Variants in PABPC4L observed in about 807,000 individuals in gnomAD.
The protein encoded by PABPC4L is poly(A) binding protein cytoplasmic 4 like, also known as polyadenylate-binding protein 4-like.
For missense variants in PABPC4L, 452 were observed against 451.4 expected (o/e 1.00, Z -0.01); for synonymous variants, 169 against 164.1 (o/e 1.03, Z -0.23).
chr4:134,179,093 G>A, the PABPC4L span, among the ~76,000 whole-genome samples: 1 of 151,958 alleles, frequency 6.6e-6, no homozygotes, highest in African/African-American at 2.4e-5. Flanking sequence ...AAGTCACATA[G>A]TCATTAGATT....
the PABPC4L span, among the ~76,000 whole-genome samples, chr4:134,134,051 T>G: frequency 6.6e-6 from 1 of 152,052 alleles, no homozygotes; most frequent in Non-Finnish European, 1.5e-5. Flanking sequence ...ACATACTCAT[T>G]GATAAATAAA....
the PABPC4L span, among the ~76,000 whole-genome samples, chr4:133,974,953 G>A: frequency 6.6e-6 from 1 of 152,100 alleles, no homozygotes; most frequent in Non-Finnish European, 1.5e-5. Flanking sequence ...CTCTGATAAA[G>A]TTAACATAGA....
chr4:134,111,990 G>T, the PABPC4L span, among the ~76,000 whole-genome samples: 1 of 151,796 alleles, frequency 6.6e-6, no homozygotes, highest in African/African-American at 2.4e-5. Flanking sequence ...ATGAAACAAG[G>T]AAGATTAAAA....
At chr4:134,142,805 G>C in the PABPC4L span, among the ~76,000 whole-genome samples, 1 of 151,514 alleles carries the variant, frequency 6.6e-6, no homozygotes. Flanking sequence ...GGAAGTTTTG[G>C]TGCAGACAGG....
chr4:134,062,640 A>G, the PABPC4L span, among the ~76,000 whole-genome samples: 1 of 152,080 alleles, frequency 6.6e-6, no homozygotes, highest in Admixed American at 6.6e-5. Context: ...ATTAATTAAA[A>G]CTTAGGCTTA....
the PABPC4L span, among the ~76,000 whole-genome samples, chr4:134,077,443 GA>G: frequency 2.8e-4 from 42 of 151,780 alleles, no homozygotes; most frequent in African/African-American, 6.3e-4. Context: ...CAGAAGAGGG[GA>G]AAAAAAAGTG....
chr4:134,088,278 G>C, the PABPC4L span, among the ~76,000 whole-genome samples: 1 of 152,002 alleles, frequency 6.6e-6, no homozygotes. Context: ...TATATCTCCA[G>C]TTTCAATTTT....
the PABPC4L span, among the ~76,000 whole-genome samples, chr4:134,096,997 T>C: frequency 1.3e-5 from 2 of 151,902 alleles, no homozygotes; most frequent in Non-Finnish European, 2.9e-5. Context: ...CATCAGATGG[T>C]GGGAAAATCA....
the PABPC4L span, among the ~76,000 whole-genome samples, chr4:134,154,995 C>T: frequency 9.9e-5 from 15 of 151,776 alleles, no homozygotes; most frequent in Admixed American, 3.3e-4. Context: ...TAAATAGAGT[C>T]GAAATCACCA....
chr4:134,096,003 T>C, the PABPC4L span, among the ~76,000 whole-genome samples: 16 of 151,964 alleles, frequency 1.1e-4, no homozygotes, highest in Non-Finnish European at 1.9e-4. Flanking sequence ...TTCTCAATGT[T>C]TATTATTAAC....
the PABPC4L span, among the ~76,000 whole-genome samples, chr4:134,125,319 T>TA: frequency 1.3e-5 from 2 of 152,008 alleles, no homozygotes; most frequent in Non-Finnish European, 2.9e-5. Context: ...CTCTTTTTTT[T>TA]TTATTATTAT....
At chr4:134,180,858 T>TA in the PABPC4L span, among the ~76,000 whole-genome samples, 1 of 151,882 alleles carries the variant, frequency 6.6e-6, no homozygotes, top group Non-Finnish European at 1.5e-5. Flanking sequence ...AACAGATCAA[T>TA]AATAAGTTCC....
the PABPC4L span, among the ~76,000 whole-genome samples, chr4:134,072,003 A>T: frequency 2.0e-5 from 3 of 152,016 alleles, no homozygotes; most frequent in African/African-American, 7.2e-5. Flanking sequence ...TACTGACAAA[A>T]GAATACATGA....
At chr4:134,193,819 T>C (rs2126195114), downstream of PABPC4L, among the ~76,000 whole-genome samples, 1 of 152,088 alleles carries the variant, frequency 6.6e-6, no homozygotes, top group Non-Finnish European at 1.5e-5. Context: ...GAGTTAGTTA[T>C]ATCCATATAA....
chr4:133,963,229 G>A, the PABPC4L span, among the ~76,000 whole-genome samples: 24 of 152,104 alleles, frequency 1.6e-4, no homozygotes, highest in Non-Finnish European at 2.8e-4. Context: ...AGCAACAGCA[G>A]TTAAAAAAGA....
At chr4:133,980,577 G>A in the PABPC4L span, among the ~76,000 whole-genome samples, 7 of 152,214 alleles carry the variant, frequency 4.6e-5, no homozygotes, top group Admixed American at 3.3e-4. Flanking sequence ...CTAGTTACTG[G>A]CTTGTCCAAT....
chr4:134,103,118 G>C, the PABPC4L span, among the ~76,000 whole-genome samples: 5 of 151,440 alleles, frequency 3.3e-5, no homozygotes, highest in African/African-American at 1.2e-4. Context: ...AAGTTCCACA[G>C]CAAGATTAAA....
At chr4:134,008,469 C>A in the PABPC4L span, among the ~76,000 whole-genome samples, 3 of 151,184 alleles carry the variant, frequency 2.0e-5, no homozygotes, top group East Asian at 1.9e-4. Context: ...TAAAAAAAAA[C>A]CTAAATAACT....
At chr4:133,983,185 C>A in the PABPC4L span, among the ~76,000 whole-genome samples, 1 of 151,978 alleles carries the variant, frequency 6.6e-6, no homozygotes, top group Non-Finnish European at 1.5e-5. Flanking sequence ...TGTCAAATCT[C>A]AAACCTAATT....
Sources: gnomAD v4.1 joint callset for allele counts (sites outside exome capture counted in the v4.1 genomes callset) on GRCh38, gnomAD v4.1.1 for gene constraint, MANE v1.5 for transcripts, NCBI Gene and HGNC (gene_info 2026-07-23, HGNC 2026-07-21) for gene names.